STK24: variants seen among roughly 807,000 people sequenced by gnomAD.
The protein encoded by STK24 is serine/threonine-protein kinase 24.
STK24 carries 21 observed loss-of-function variants against 55.6 expected under a neutral mutation model. The observed-to-expected ratio is 0.38, with a 90% CI of 0.27 to 0.54. The LOEUF (loss-of-function observed/expected upper bound fraction) is 0.54, where lower values mean the gene tolerates loss of function less well. Ranked by LOEUF, STK24 falls within the 20% of genes least tolerant of loss-of-function variation. The probability of loss-of-function intolerance (pLI) is 0.79; values close to 1 mark genes in which losing one functional copy is unlikely to be tolerated. For missense variants in STK24, 383 were observed against 538.4 expected (o/e 0.71, Z 2.86); for synonymous variants, 200 against 215.2 (o/e 0.93, Z 0.62).
In STK24 at chr13:98,463,797, G is replaced by C. The variant is rs1456560217; in HGVS notation, c.823C>G (p.Leu275Val). Residue 275 changes from leucine (L) to valine (V), a missense_variant, in exon 7 of 11, where the codon CTA becomes GTA. Transcript: ENST00000539966. The part of the protein sequence containing the change: ...AKELLKHKFI[L>V]RNAKKTSYLT... Reference sequence around the variant, plus strand: ...TAGGAAGTTTTCTTTGCATTGCGTAGTATAAACTTGTGCTTCAATAACTCC... The same window carrying C: ...TAGGAAGTTTTCTTTGCATTGCGTACTATAAACTTGTGCTTCAATAACTCC... The C allele has an allele frequency of 6.2e-7, 1 of 1,614,054 alleles. No individual in the cohort carries two copies. The highest frequency in any genetic ancestry group is 8.5e-7 in the Non-Finnish European group (1 of 1,180,026).
At chr13:98,568,292 G>A (rs1258342144) in intron 1 of STK24, among the ~76,000 whole-genome samples, 2 of 151,856 alleles carry the variant, frequency 1.3e-5, no homozygotes, top group Non-Finnish European at 2.9e-5. Flanking sequence ...CCATCGCGCC[G>A]GGCCAGCAGA....
At chr13:98,468,740 T>C (rs890072988) in intron 5 of STK24, among the ~76,000 whole-genome samples, 31 of 152,228 alleles carry the variant, frequency 2.0e-4, no homozygotes, top group Non-Finnish European at 3.1e-4. Flanking sequence ...ATAATAGTTA[T>C]ATGAATTTTT....
At position 98,516,765 on chromosome 13, in the gene STK24, G is replaced by A. The variant is rs140929954; in HGVS notation, c.273+2478C>T. On this transcript the variant is annotated intron_variant, in intron 2 of 10. Transcript: ENST00000539966. ...AGTGTCTGAAGGAAAACAGCCCACG[G>A]ATCAGGGCAACCAGTGAGGAAGAGA... 3.4e-3 allele frequency among the ~76,000 whole-genome samples: 521 copies of A among 152,356 alleles called. 1 individual carries two copies. Among genetic ancestry groups the A allele is most frequent in the Non-Finnish European group, 5.0e-3 (339 of 68,034 alleles).
intron 1 of STK24, among the ~76,000 whole-genome samples, chr13:98,535,368 AAAATATATAT>A (rs1896694839): frequency 4.1e-5 from 2 of 48,936 alleles, no homozygotes; most frequent in Admixed American, 2.1e-4. Context: ...AAACAAAAAA[AAAATATATAT>A]ATATATATAT....
chr13:98,492,875 A>C (rs1048285858), intron 2 of STK24, among the ~76,000 whole-genome samples: 25 of 152,356 alleles, frequency 1.6e-4, no homozygotes, highest in African/African-American at 6.0e-4. Context: ...ACTCAAATCC[A>C]GATTTCCTGA....
intron 1 of STK24, among the ~76,000 whole-genome samples, chr13:98,565,145 A>C (rs1897532216): frequency 1.3e-5 from 2 of 152,180 alleles, no homozygotes; most frequent in South Asian, 4.1e-4. Context: ...ATGAGGATTC[A>C]GGATTCTTTT....
intron 1 of STK24, among the ~76,000 whole-genome samples, chr13:98,553,948 G>A (rs1897220673): frequency 1.3e-5 from 2 of 151,906 alleles, no homozygotes; most frequent in South Asian, 4.1e-4. Context: ...TGTTATCTCA[G>A]CTACTCCAGA....
intron 1 of STK24, among the ~76,000 whole-genome samples, chr13:98,562,794 C>T (rs1897460195): frequency 6.6e-6 from 1 of 151,358 alleles, no homozygotes; most frequent in African/African-American, 2.4e-5. Flanking sequence ...CGGGCGCCTG[C>T]AGTCCCAGCT....
Position 98,492,693 on chromosome 13 carries a change from T to C in STK24, c.274-10372A>G, listed in dbSNP as rs151297244. Among the ~76,000 whole-genome samples, 105 of 152,334 alleles carry C rather than the reference T, an allele frequency of 6.9e-4. 1 individual carries two copies. In the East Asian group the frequency reaches 0.017, roughly 25 times the overall value. On this transcript the variant is annotated intron_variant, in intron 2 of 10. Coordinates refer to ENST00000539966, the MANE Select transcript of STK24 (RefSeq NM_001032296.4). ...TCCCTGGTCAAGAAGGGAGGATCCA[T>C]ACCACCATCTTATATTAGTACCATG...
chr13:98,575,516 A>T (rs4129968), intron 1 of STK24, among the ~76,000 whole-genome samples: 2 of 151,870 alleles, frequency 1.3e-5, no homozygotes, highest in African/African-American at 2.4e-5. Flanking sequence ...TTCAAACCTG[A>T]ACAGTGAAAT....
At chr13:98,513,459 T>C (rs1294759345) in intron 2 of STK24, among the ~76,000 whole-genome samples, 1 of 152,176 alleles carries the variant, frequency 6.6e-6, no homozygotes, top group Non-Finnish European at 1.5e-5. Flanking sequence ...CCCCAAGTAG[T>C]GGCAGCCGAA....
At chr13:98,484,990 G>A (rs921467325) in intron 2 of STK24, among the ~76,000 whole-genome samples, 3 of 152,292 alleles carry the variant, frequency 2.0e-5, no homozygotes, top group African/African-American at 4.8e-5. Flanking sequence ...AGGTCACTGC[G>A]TCTCAAATAC....
intron 5 of STK24, among the ~76,000 whole-genome samples, chr13:98,469,347 G>C (rs1263443272): frequency 2.6e-5 from 4 of 152,134 alleles, no homozygotes; most frequent in South Asian, 2.1e-4. Flanking sequence ...CCAGGAGTTC[G>C]AGACCAGCCC....
chr13:98,508,908 G>A (rs1566375791), intron 2 of STK24: 1 of 83,576 alleles, frequency 1.2e-5, no homozygotes, highest in Non-Finnish European at 3.2e-5. Context: ...TCAAAGGGAT[G>A]GTCAAGCTTG....
In STK24 at chr13:98,571,185, A is replaced by T. The variant is rs1267913393; in HGVS notation, c.42+5560T>A. Among the ~76,000 whole-genome samples the T allele has an allele frequency of 2.6e-5, 4 of 152,324 alleles. No homozygotes were observed. The East Asian group carries it at 7.7e-4, about 29-fold the overall frequency. ...CCGCACAAGCACAGCAGAAAGTAGC[A>T]GTGACCATCGACAGGCTCCTCCCTT... On this transcript the variant is annotated intron_variant, in intron 1 of 10. Coordinates refer to ENST00000539966, the MANE Select transcript of STK24 (RefSeq NM_001032296.4).
intron 2 of STK24, among the ~76,000 whole-genome samples, chr13:98,500,714 C>T (rs1895424490): frequency 6.6e-6 from 1 of 151,016 alleles, no homozygotes; most frequent in Non-Finnish European, 1.5e-5. Context: ...TCCTTCCCCT[C>T]CCATCCTCCC....
At position 98,576,125 on chromosome 13, in the gene STK24, T is replaced by C. The variant is rs2139477533; in HGVS notation, c.42+620A>G. 4.1e-6 allele frequency: 4 copies of C among 984,584 alleles called. No homozygotes were observed. In the African/African-American group the frequency reaches 5.3e-5, roughly 13 times the overall value. 61.0% of individuals were successfully genotyped at this position (984,584 alleles called of 1,614,324 possible). ...CCGAGGGATTCCTCCTTCCAGAAGG[T>C]TTGCAACTCGCACTTTCCCCCGGTC... On this transcript the variant is annotated intron_variant, in intron 1 of 10. Coordinates refer to ENST00000539966, the MANE Select transcript of STK24 (RefSeq NM_001032296.4).
At position 98,481,136 on chromosome 13, in the gene STK24, C is replaced by T. The variant is rs1163642147; in HGVS notation, c.330+1129G>A. Among the ~76,000 whole-genome samples, 5 of 152,122 alleles carry T rather than the reference C, an allele frequency of 3.3e-5. 1 individual carries two copies. Among genetic ancestry groups the T allele is most frequent in the East Asian group, 1.9e-4 (1 of 5,172 alleles). ...GGGGAAAGAGTGATCACAGTGACTT[C>T]GCTGCACAGCCACAGCGGGGATGAG... is the stretch of plus-strand genomic sequence containing the variant. On this transcript the variant is annotated intron_variant, in intron 3 of 10. Transcript: ENST00000539966.
chr13:98,527,958 T>A lies in STK24; in HGVS notation c.43-8485A>T, dbSNP rs569664529. On this transcript the variant is annotated intron_variant, in intron 1 of 10. Coordinates refer to ENST00000539966, the MANE Select transcript of STK24 (RefSeq NM_001032296.4). ...GCTCCTGTACCTCTCTGGGCCTGAC[T>A]CAACGGCAGAAAGCAAAAGGAGAGC... Among the ~76,000 whole-genome samples the A allele has an allele frequency of 2.0e-4, 30 of 152,266 alleles. No homozygotes were observed. The East Asian group carries it at 5.8e-3, about 29-fold the overall frequency.
Sources: allele counts gnomAD v4.1 joint callset (sites outside exome capture counted in the v4.1 genomes callset), GRCh38; gene constraint gnomAD v4.1.1; transcripts MANE v1.5; gene names NCBI Gene and HGNC (gene_info 2026-07-23, HGNC 2026-07-21).